ADCY3: variants seen among roughly 807,000 people sequenced by gnomAD.
ADCY3 encodes adenylate cyclase 3, also known as adenylate cyclase type 3.
In ADCY3, 70 loss-of-function variants were observed where a neutral mutation model predicts 119.4. The ratio of observed to expected loss-of-function variants is 0.59; its 90% confidence interval spans 0.48 to 0.72. The LOEUF is 0.72. Ranked by LOEUF, ADCY3 falls within the 30% of genes least tolerant of loss-of-function variation. The pLI is 0.00. For missense variants in ADCY3, 1,238 were observed against 1,541.6 expected, an observed-to-expected ratio of 0.80 and a Z score of 3.30; for synonymous variants, 672 against 621.4, an observed-to-expected ratio of 1.08 and a Z score of -1.21.
chr2:24,887,160 T>C (rs895953987), intron 2 of ADCY3, among the ~76,000 whole-genome samples: 1 of 152,116 alleles, frequency 6.6e-6, no homozygotes, highest in African/African-American at 2.4e-5. Flanking sequence ...AAACACCTCC[T>C]TCACAAAGCA....
intron 2 of ADCY3, among the ~76,000 whole-genome samples, chr2:24,875,241 TGAG>T (rs1247872295): frequency 2.0e-5 from 3 of 152,202 alleles, no homozygotes; most frequent in Admixed American, 6.5e-5. Context: ...TTGCCTCAAC[TGAG>T]GAGGAGGACC....
At chr2:24,859,039 C>T (rs772988291) in intron 3 of ADCY3, among the ~76,000 whole-genome samples, 2 of 152,202 alleles carry the variant, frequency 1.3e-5, no homozygotes, top group Non-Finnish European at 2.9e-5. Context: ...GTGCCTACTT[C>T]GCATTATGGG....
intron 18 of ADCY3, 140 bp downstream of exon 18, chr2:24,823,069 G>T: frequency 9.1e-7 from 1 of 1,099,328 alleles, no homozygotes; most frequent in Non-Finnish European, 1.3e-6. Flanking sequence ...GTTCCAGGTG[G>T]CTGCAGAAGT....
chr2:24,822,429 A>G (rs2148359277), intron 19 of ADCY3, 82 bp downstream of exon 19: 7 of 1,570,138 alleles, frequency 4.5e-6, no homozygotes, highest in Non-Finnish European at 6.1e-6. Context: ...AGCAGTTCTT[A>G]TTTCCCCCAT....
chr2:24,825,940 G>A, intron 16 of ADCY3, 105 bp downstream of exon 16: 1 of 1,089,554 alleles, frequency 9.2e-7, no homozygotes, highest in Non-Finnish European at 1.4e-6. Context: ...TGGGTGAAGG[G>A]AAGCCCCATT....
Position 24,836,906 on chromosome 2 carries a change from C to T in ADCY3, c.1662+11G>A, listed in dbSNP as rs1670389632. 1 of 1,609,142 alleles carries T rather than the reference C, an allele frequency of 6.2e-7. No homozygotes were observed. Among genetic ancestry groups the T allele is most frequent in the Admixed American group, 1.7e-5 (1 of 59,672 alleles). ...CCCTCAGTGACCCCCTGCCCTGAGC[C>T]CTGCACATACCTGGGCATCCTGCTC... On this transcript the variant is annotated intron_variant, in intron 9 of 21. Transcript: ENST00000679454.
intron 2 of ADCY3, among the ~76,000 whole-genome samples, chr2:24,916,134 C>T (rs977063799): frequency 1.3e-5 from 2 of 152,192 alleles, no homozygotes; most frequent in Non-Finnish European, 2.9e-5. Flanking sequence ...TATTTTTATT[C>T]TTGATTTCTA....
chr2:24,895,613 TC>T (rs1303935598), intron 2 of ADCY3, among the ~76,000 whole-genome samples: 6 of 151,776 alleles, frequency 4.0e-5, no homozygotes, highest in Non-Finnish European at 8.8e-5. Flanking sequence ...CAATGTTTTT[TC>T]TTTCTTTCTT....
intron 2 of ADCY3, among the ~76,000 whole-genome samples, chr2:24,882,055 GAAT>G (rs1039508392): frequency 4.6e-5 from 7 of 152,220 alleles, no homozygotes; most frequent in African/African-American, 1.7e-4. Flanking sequence ...TTCTACCAGA[GAAT>G]AATGAACTCT....
rs1435064235 is a variant in ADCY3, at chr2:24,842,430, G to C, written c.826-46C>G. The C allele has an allele frequency of 3.1e-6, 5 of 1,612,182 alleles. No homozygotes were observed. Among genetic ancestry groups the C allele is most frequent in the South Asian group, 1.1e-5 (1 of 90,896 alleles). ...TCAGAGGCAAAGGTAGGCCCTGCTA[G>C]AGGCAAGTTCAGATACTTCTGGGAA... On this transcript the variant is annotated intron_variant, in intron 3 of 21. Transcript: ENST00000679454. The surrounding 1 kb of genome is among the most constrained non-coding windows in gnomAD (Gnocchi z 4.9).
intron 11 of ADCY3, chr2:24,832,264 A>G (rs1399067399): frequency 6.1e-6 from 1 of 163,288 alleles, no homozygotes; most frequent in Non-Finnish European, 1.3e-5. Context: ...TGCCTGGGAC[A>G]TTTCCCAGAG....
rs763490203 is a variant in ADCY3, at chr2:24,841,258, C to T, written c.1196+1G>A. ...CTCCCTCCCAGAGGCATCCCACTTACGAGATGGCCTCCACCATGGCCAGCC... is the reference window on the plus strand; with the variant it reads ...CTCCCTCCCAGAGGCATCCCACTTATGAGATGGCCTCCACCATGGCCAGCC... On this transcript the variant is annotated splice_donor_variant, in intron 6 of 21. Coordinates refer to ENST00000679454, the MANE Select transcript of ADCY3 (RefSeq NM_004036.5). LOFTEE classifies it high-confidence loss of function. This position sits in a 1 kb window ranked among gnomAD's most constrained non-coding sequence, Gnocchi z 5.8. 2.6e-6 allele frequency: 4 copies of T among 1,556,570 alleles called. No homozygotes were observed. The highest frequency in any genetic ancestry group is 2.6e-6 in the Non-Finnish European group (3 of 1,150,502).
intron 6 of ADCY3, 103 bp from the exon 7 acceptor site, chr2:24,840,134 C>T: frequency 6.9e-7 from 1 of 1,449,276 alleles, no homozygotes; most frequent in Non-Finnish European, 9.4e-7. Flanking sequence ...TCTTCCCCTC[C>T]ACAAGAGGGG....
intron 3 of ADCY3, among the ~76,000 whole-genome samples, chr2:24,864,738 G>T (rs908767620): frequency 6.6e-6 from 1 of 152,220 alleles, no homozygotes; most frequent in African/African-American, 2.4e-5. Context: ...AATGGGCACA[G>T]AGTTTCTCTT....
At chr2:24,824,026 C>G (rs773593091) in intron 17 of ADCY3, among the ~76,000 whole-genome samples, 1 of 152,224 alleles carries the variant, frequency 6.6e-6, no homozygotes, top group Non-Finnish European at 1.5e-5. Flanking sequence ...AACAGCTTCT[C>G]TAGTTCCTCT....
chr2:24,832,007 G>A (rs1669627611), intron 11 of ADCY3: 1 of 135,038 alleles, frequency 7.4e-6, no homozygotes, highest in Non-Finnish European at 1.5e-5. Flanking sequence ...CGGGGGCAGG[G>A]GCCAGCAGAC....
At chr2:24,893,369 T>C (rs1368354433) in intron 2 of ADCY3, among the ~76,000 whole-genome samples, 2 of 129,406 alleles carry the variant, frequency 1.5e-5, no homozygotes, top group Non-Finnish European at 3.0e-5. Context: ...AGAAAATTTC[T>C]TTTTGTAGAG....
At chr2:24,825,071 G>A (rs910336541) in intron 16 of ADCY3, among the ~76,000 whole-genome samples, 2 of 152,162 alleles carry the variant, frequency 1.3e-5, no homozygotes, top group Admixed American at 1.3e-4. Context: ...GGCCTTCCGT[G>A]TGTAGGGGGC....
intron 2 of ADCY3, among the ~76,000 whole-genome samples, chr2:24,914,783 C>T (rs1664243526): frequency 6.6e-6 from 1 of 152,176 alleles, no homozygotes; most frequent in Non-Finnish European, 1.5e-5. Flanking sequence ...GAACATCCTC[C>T]CCGCCCCAGC....
Sources: allele counts gnomAD v4.1 joint callset (sites outside exome capture counted in the v4.1 genomes callset), GRCh38; gene constraint gnomAD v4.1.1; non-coding constraint Gnocchi (gnomAD v3.1); transcripts MANE v1.5; gene names NCBI Gene and HGNC (gene_info 2026-07-23, HGNC 2026-07-21).